ERAP1: variants seen among roughly 807,000 people sequenced by gnomAD.
The protein encoded by ERAP1 is adipocyte-derived leucine aminopeptidase.
A neutral mutation model predicts 103.7 loss-of-function variants in ERAP1; 86 were observed. The observed-to-expected ratio is 0.83, with a 90% CI of 0.70 to 0.99. ERAP1 has a LOEUF of 0.99. ERAP1 is among the 50% of genes least tolerant of loss of function. The probability of loss-of-function intolerance (pLI) is 0.00; values close to 1 mark genes in which losing one functional copy is unlikely to be tolerated. For missense variants in ERAP1, 1,009 were observed against 1,128.4 expected (o/e 0.89, Z 1.52); for synonymous variants, 398 against 402.4 (o/e 0.99, Z 0.13).
the ERAP1 span, among the ~76,000 whole-genome samples, chr5:96,836,181 T>TTTG: frequency 6.7e-6 from 1 of 149,998 alleles, no homozygotes; most frequent in Non-Finnish European, 1.5e-5. Context: ...CTTTGGTTTT[T>TTTG]TTTTTTTTTT....
chr5:96,878,203 G>A, the ERAP1 span, among the ~76,000 whole-genome samples: 1 of 143,388 alleles, frequency 7.0e-6, no homozygotes, highest in Non-Finnish European at 1.5e-5. Context: ...TTCAAAAGTA[G>A]TGTAAAGGGA....
chr5:96,865,216 T>C, the ERAP1 span, among the ~76,000 whole-genome samples: 2 of 152,178 alleles, frequency 1.3e-5, no homozygotes, highest in African/African-American at 4.8e-5. Context: ...GAAATGTCTC[T>C]GAATGTTTTT....
the ERAP1 span, among the ~76,000 whole-genome samples, chr5:96,830,525 T>A: frequency 6.6e-6 from 1 of 152,158 alleles, no homozygotes; most frequent in South Asian, 2.1e-4. Context: ...GATTGGACAC[T>A]ATAGAGCAGT....
At chr5:96,827,030 G>A in the ERAP1 span, among the ~76,000 whole-genome samples, 2 of 152,344 alleles carry the variant, frequency 1.3e-5, no homozygotes, top group South Asian at 2.1e-4. Context: ...GAAAGGGGAG[G>A]AGAGTAGTTA....
At chr5:96,867,698 C>A in the ERAP1 span, among the ~76,000 whole-genome samples, 1 of 152,072 alleles carries the variant, frequency 6.6e-6, no homozygotes, top group Non-Finnish European at 1.5e-5. Flanking sequence ...AGTAGTAGTT[C>A]CAAGAAATAT....
chr5:96,772,760 TC>T (rs1483181774), downstream of ERAP1: 1 of 152,776 alleles, frequency 6.5e-6, no homozygotes, highest in Admixed American at 6.5e-5. Flanking sequence ...TCTCTGAACA[TC>T]CTAAATATTG....
chr5:96,774,781 A>ATAAG lies in ERAP1; in HGVS notation c.*1611_*1614dup, dbSNP rs1160176363. Reference sequence around the variant, plus strand: ...TTTATTAAACCATTCACTACAACAAATAAGTATAAAAATTCCAATTCCACT... The same window carrying ATAAG: ...TTTATTAAACCATTCACTACAACAAATAAGTAAGTATAAAAATTCCAATTCCACT... On this transcript the variant is annotated 3_prime_UTR_variant, in exon 19 of 19. Transcript: ENST00000443439. 4 of 984,448 alleles carry ATAAG rather than the reference A, an allele frequency of 4.1e-6. No homozygotes were observed. The highest frequency in any genetic ancestry group is 4.7e-5 in the South Asian group (1 of 21,276). The allele number at this position is 984,448 out of a possible 1,614,324, so 61.0% of individuals were successfully genotyped here.
chr5:96,828,888 C>A, the ERAP1 span, among the ~76,000 whole-genome samples: 1 of 152,078 alleles, frequency 6.6e-6, no homozygotes, highest in Non-Finnish European at 1.5e-5. Context: ...CACTCTGTCA[C>A]CAGGCTGGAG....
the ERAP1 span, among the ~76,000 whole-genome samples, chr5:96,835,721 A>C: frequency 6.6e-6 from 1 of 152,228 alleles, no homozygotes; most frequent in Non-Finnish European, 1.5e-5. Context: ...ATCCTTCAAA[A>C]AGCCAGCAGT....
the ERAP1 span, among the ~76,000 whole-genome samples, chr5:96,827,909 C>T: frequency 1.3e-5 from 2 of 152,082 alleles, no homozygotes; most frequent in Non-Finnish European, 2.9e-5. Context: ...GAAACACTGG[C>T]CATTATTTCT....
chr5:96,873,634 C>T, the ERAP1 span: 1 of 350,524 alleles, frequency 2.9e-6, no homozygotes, highest in South Asian at 2.1e-5. Context: ...GTGGAAAGCA[C>T]CCTGATGTGC....
chr5:96,784,115 G>A (rs545746194), intron 13 of ERAP1, 35 bp from the exon 14 acceptor site: 8 of 1,612,038 alleles, frequency 5.0e-6, no homozygotes, highest in South Asian at 1.1e-5. Context: ...TGGTTTAAAA[G>A]TAAATCCGGG....
upstream of ERAP1, chr5:96,808,183 GATCCGTGTGTGTGT>G (rs1278554576): frequency 3.3e-6 from 3 of 920,586 alleles, no homozygotes; most frequent in African/African-American, 2.7e-5. Context: ...TCTGAACGCG[GATCCGTGTGTGTGT>G]GTGTGTGTGT....
chr5:96,865,421 G>A, the ERAP1 span, among the ~76,000 whole-genome samples: 7 of 152,170 alleles, frequency 4.6e-5, no homozygotes, highest in South Asian at 2.1e-4. Flanking sequence ...TCCAAAGTAC[G>A]AACTAGTTCT....
the ERAP1 span, chr5:96,884,071 T>A: frequency 1.8e-6 from 1 of 562,478 alleles, no homozygotes; most frequent in Non-Finnish European, 2.9e-6. Context: ...TCTATCTATC[T>A]ATCTATCTAT....
the ERAP1 span, among the ~76,000 whole-genome samples, chr5:96,927,006 G>A: frequency 0.07 from 10,713 of 152,056 alleles, 455 homozygotes; most frequent in Middle Eastern, 0.15. Flanking sequence ...TCATAGAGAC[G>A]GGGTTTCACC....
chr5:96,837,465 C>T, the ERAP1 span, among the ~76,000 whole-genome samples: 1 of 152,328 alleles, frequency 6.6e-6, no homozygotes, highest in South Asian at 2.1e-4. Flanking sequence ...GGAGCTTCAG[C>T]CAGGGTGAAT....
chr5:96,780,576 A>G (rs1442949215), intron 17 of ERAP1, 72 bp from the exon 18 acceptor site: 8 of 1,162,202 alleles, frequency 6.9e-6, no homozygotes, highest in Non-Finnish European at 1.0e-5. Flanking sequence ...AGGGCCTCCT[A>G]TATATAATAG....
At chr5:96,907,196 A>G in the ERAP1 span, among the ~76,000 whole-genome samples, 1 of 152,236 alleles carries the variant, frequency 6.6e-6, no homozygotes, top group East Asian at 1.9e-4. Context: ...TCTTTAAGCT[A>G]AACAAACATT....
Sources: gnomAD v4.1 joint callset for allele counts (sites outside exome capture counted in the v4.1 genomes callset) on GRCh38, gnomAD v4.1.1 for gene constraint, MANE v1.5 for transcripts, NCBI Gene and HGNC (gene_info 2026-07-23, HGNC 2026-07-21) for gene names.